Variants in AKAP11 observed in about 807,000 individuals in gnomAD.
The protein encoded by AKAP11 is A-kinase anchoring protein 11, also known as A-kinase anchor protein 11.
A neutral mutation model predicts 146.1 loss-of-function variants in AKAP11; 36 were observed. The ratio of observed to expected loss-of-function variants is 0.25; its 90% CI spans 0.19 to 0.33. AKAP11 has a LOEUF of 0.33. Ranked by LOEUF, AKAP11 falls within the 10% of genes least tolerant of loss-of-function variation. AKAP11 has a pLI of 1.00. For missense variants in AKAP11, 2,201 were observed against 2,197.0 expected (o/e 1.00, Z -0.04); for synonymous variants, 780 against 786.5 (o/e 0.99, Z 0.14).
chr13:42,301,046 A>C lies in AKAP11; in HGVS notation c.2300A>C (p.Gln767Pro). 1 of 1,614,140 alleles carries C rather than the reference A, an allele frequency of 6.2e-7. No homozygotes were observed. Among genetic ancestry groups the C allele is most frequent in the Non-Finnish European group, 8.5e-7 (1 of 1,179,964 alleles). The part of the protein sequence containing the change: ...VQEYKKEYTV[Q>P]QALFCTSGIV... ...GAATATAAAAAGGAATACACAGTGC[A>C]GCAGGCCTTGTTTTGTACTTCTGGA... Residue 767 changes from glutamine (Q) to proline (P), a missense_variant, in exon 8 of 13, where the codon CAG becomes CCG. Around this residue, in one of 3 missense-constraint regions of AKAP11, gnomAD observed 1,867 missense variants for 1,833.5 expected, o/e 1.02. Transcript: ENST00000025301.
intron 1 of AKAP11, among the ~76,000 whole-genome samples, chr13:42,273,980 G>C (rs906553825): frequency 1.3e-5 from 2 of 152,200 alleles, no homozygotes; most frequent in Non-Finnish European, 2.9e-5. Flanking sequence ...GAGGAGACCA[G>C]TGTTGATTAG....
intron 10 of AKAP11, 69 bp downstream of exon 10, chr13:42,313,199 A>G: frequency 1.6e-6 from 2 of 1,218,802 alleles, no homozygotes; most frequent in Non-Finnish European, 2.3e-6. Flanking sequence ...CATATTCTTC[A>G]AAGAATGTGG....
At position 42,299,676 on chromosome 13, in the gene AKAP11, A is replaced by G. The variant is rs1477320868; in HGVS notation, c.930A>G (p.Glu310=). Residue 310 remains glutamate, a synonymous_variant, in exon 8 of 13, where the codon GAA becomes GAG. Transcript: ENST00000025301. ...SSSPAYSSES[E]CSSPSPVIFL... Reference sequence around the variant, plus strand: ...CTCCTGCCTACTCATCTGAATCAGAATGTTCAAGTCCAAGTCCTGTTATTT... The same window carrying G: ...CTCCTGCCTACTCATCTGAATCAGAGTGTTCAAGTCCAAGTCCTGTTATTT... The G allele has an allele frequency of 6.2e-7, 1 of 1,613,972 alleles. No homozygotes were observed. The highest frequency in any genetic ancestry group is 2.2e-5 in the East Asian group (1 of 44,880).
chr13:42,296,911 C>T (rs1038197780), intron 5 of AKAP11, 137 bp from the exon 6 acceptor site: 12 of 551,400 alleles, frequency 2.2e-5, no homozygotes, highest in African/African-American at 1.2e-4. Context: ...GAATAATAAA[C>T]TGTATATGTT....
At position 42,297,056 on chromosome 13, in the gene AKAP11, T is replaced by G; in HGVS notation, c.225T>G (p.Ala75=). ...ETDAAHIQDL[A]AVSLELPDIL... is the part of the protein sequence containing the mutation. ...TTATTATTTTAAATCAGGATTTAGC[T>G]GCAGTTTCTTTGGAACTTCCAGATA... Residue 75 remains alanine, a synonymous_variant, in exon 6 of 13, where the codon GCT becomes GCG. Transcript: ENST00000025301. 6.3e-7 allele frequency: 1 copy of G among 1,591,752 alleles called. No homozygotes were observed. Among genetic ancestry groups the G allele is most frequent in the Non-Finnish European group, 8.5e-7 (1 of 1,171,658 alleles).
chr13:42,274,463 C>A (rs1391508947), intron 1 of AKAP11, among the ~76,000 whole-genome samples: 1 of 152,120 alleles, frequency 6.6e-6, no homozygotes, highest in Non-Finnish European at 1.5e-5. Context: ...GCGGGTGGAT[C>A]ACTTGAGACC....
At chr13:42,298,126 C>T (rs889001590) in intron 6 of AKAP11, among the ~76,000 whole-genome samples, 5 of 151,874 alleles carry the variant, frequency 3.3e-5, no homozygotes, top group Admixed American at 6.6e-5. Context: ...CTTGAAACTA[C>T]GGGAAAATGG....
Position 42,303,009 on chromosome 13 carries a change from A to G in AKAP11, c.4263A>G (p.Ala1421=). 2 of 1,613,394 alleles carry G rather than the reference A, an allele frequency of 1.2e-6. No individual in the cohort carries two copies. Among genetic ancestry groups the G allele is most frequent in the Non-Finnish European group, 1.7e-6 (2 of 1,179,920 alleles). ...CAAACAAAGAGCACCACCAAGAAGC[A>G]GACAAAAAGAGACAAAGTAAAAGAA... is the stretch of plus-strand genomic sequence containing the variant. ...MFSNKEHHQE[A]DKKRQSKRNE... Residue 1421 remains alanine, a synonymous_variant, in exon 8 of 13, where the codon GCA becomes GCG. Coordinates refer to ENST00000025301, the MANE Select transcript of AKAP11 (RefSeq NM_016248.4).
chr13:42,293,185 G>A (rs1041012612), intron 4 of AKAP11, among the ~76,000 whole-genome samples: 3 of 152,104 alleles, frequency 2.0e-5, no homozygotes, highest in African/African-American at 4.8e-5. Context: ...TGAAATAAGC[G>A]TTCTAATAAA....
chr13:42,297,063 T>G lies in AKAP11; in HGVS notation c.232T>G (p.Ser78Ala), dbSNP rs1594325580. The G allele has an allele frequency of 5.7e-6, 9 of 1,591,052 alleles. No homozygotes were observed. In the East Asian group the frequency reaches 2.1e-4, roughly 37 times the overall value. Residue 78 changes from serine (S) to alanine (A), a missense_variant, in exon 6 of 13, where the codon TCT becomes GCT. This residue lies in a region of AKAP11 where 331 missense variants were observed against 347.4 expected (regional missense o/e 0.95). Coordinates refer to ENST00000025301, the MANE Select transcript of AKAP11 (RefSeq NM_016248.4). The stretch of plus-strand genomic sequence containing the variant: ...TTTAAATCAGGATTTAGCTGCAGTT[T>G]CTTTGGAACTTCCAGATATTCTGAA... ...AAHIQDLAAV[S>A]LELPDILNSL...
chr13:42,302,138 A>G lies in AKAP11; in HGVS notation c.3392A>G (p.Glu1131Gly), dbSNP rs1959958401. 6.2e-7 allele frequency: 1 copy of G among 1,614,186 alleles called. No homozygotes were observed. The highest frequency in any genetic ancestry group is 1.1e-5 in the South Asian group (1 of 91,084). The change falls in exon 8 of 13, where the codon GAG (glutamate) becomes GGG (glycine). Residue 1131 changes from glutamate to glycine, a missense_variant. Glu to Gly is a moderately conservative substitution (Grantham distance 98). This residue lies in a region of AKAP11 where 1,867 missense variants were observed against 1,833.5 expected (regional missense o/e 1.02). Coordinates refer to ENST00000025301, the MANE Select transcript of AKAP11 (RefSeq NM_016248.4). ...TKKLKGELAK[E>G]FAPATPPSTP... ...AAGCTCAAGGGAGAATTAGCCAAAG[A>G]GTTTGCACCTGCTACACCACCTTCT...
chr13:42,294,704 A>G (rs1959405507), intron 4 of AKAP11, among the ~76,000 whole-genome samples: 1 of 152,124 alleles, frequency 6.6e-6, no homozygotes, highest in South Asian at 2.1e-4. Flanking sequence ...CCTGGCCAGT[A>G]TATATTCTTT....
At chr13:42,318,378 TATCTC>T (rs1190064999) in intron 12 of AKAP11, among the ~76,000 whole-genome samples, 2 of 152,230 alleles carry the variant, frequency 1.3e-5, no homozygotes, top group Non-Finnish European at 2.9e-5. Context: ...ATGTGAGTTT[TATCTC>T]AATAAAGCTG....
In AKAP11 at chr13:42,308,658, AG is replaced by A. The variant is rs1343830389; in HGVS notation, c.5273+50del. 5 of 1,395,418 alleles carry A rather than the reference AG, an allele frequency of 3.6e-6. No homozygotes were observed. In the South Asian group the frequency reaches 4.6e-5, roughly 13 times the overall value. 86.4% of individuals were successfully genotyped at this position (1,395,418 alleles called of 1,614,324 possible). A position where few individuals can be genotyped will look rare whatever the true frequency, so the allele number is the denominator to read the frequency against. On this transcript the variant is annotated intron_variant, in intron 9 of 12. Transcript: ENST00000025301. ...TGTGTAGTTTAGGTCCTCAGATCTT[AG>A]AAGTGAGCTATAAATTTACATTATT...
intron 1 of AKAP11, among the ~76,000 whole-genome samples, chr13:42,277,470 C>A (rs1451888234): frequency 6.6e-6 from 1 of 152,190 alleles, no homozygotes; most frequent in Admixed American, 6.5e-5. Context: ...CCATGTTATT[C>A]CTTTCAATAC....
chr13:42,302,602 A>T lies in AKAP11; in HGVS notation c.3856A>T (p.Lys1286Ter), dbSNP rs1566279444. The change falls in exon 8 of 13, where the codon AAG becomes TAG. Residue 1286 changes from lysine to a stop codon, truncating the protein, a stop_gained. Transcript: ENST00000025301. LOFTEE classifies it high-confidence loss of function. ...CCGAAATTGTATGCTTTTCAAGCAA[A>T]AGAAGAACAGTTGTTATGCTGATGG... The part of the protein sequence containing the change: ...KVRNCMLFKQ[K>*]KNSCYADGDE... The T allele has an allele frequency of 6.2e-7, 1 of 1,614,120 alleles. No individual in the cohort carries two copies. Among genetic ancestry groups the T allele is most frequent in the Non-Finnish European group, 8.5e-7 (1 of 1,180,012 alleles).
intron 4 of AKAP11, among the ~76,000 whole-genome samples, chr13:42,294,183 T>C (rs1959363817): frequency 6.6e-6 from 1 of 152,218 alleles, no homozygotes; most frequent in African/African-American, 2.4e-5. Context: ...TGTTGCTATA[T>C]TCTGACTATA....
At chr13:42,312,836 TGAGAA>T (rs1960626983) in intron 9 of AKAP11, among the ~76,000 whole-genome samples, 1 of 152,234 alleles carries the variant, frequency 6.6e-6, no homozygotes, top group Admixed American at 6.5e-5. Context: ...CATGATCTGT[TGAGAA>T]GAAAGAAAAA....
At chr13:42,297,543 C>G (rs181860543) in intron 6 of AKAP11, among the ~76,000 whole-genome samples, 1 of 151,672 alleles carries the variant, frequency 6.6e-6, no homozygotes, top group African/African-American at 2.4e-5. Flanking sequence ...ATAAATGTTA[C>G]GCTATATGTT....
Sources: gnomAD v4.1 joint callset for allele counts (sites outside exome capture counted in the v4.1 genomes callset) on GRCh38, gnomAD v4.1.1 for gene constraint, gnomAD v4.1.1 regional missense constraint, MANE v1.5 for transcripts, NCBI Gene and HGNC (gene_info 2026-07-23, HGNC 2026-07-21) for gene names.